The following IFNG-AS1 variants were observed in gnomAD, a reference collection of about 807,000 sequenced individuals.
The protein encoded by IFNG-AS1 is IFNG regulatory antisense RNA 1.
At chr12:68,014,007 C>G (rs1321102538) in intron 3 of IFNG-AS1, among the ~76,000 whole-genome samples, 4 of 152,196 alleles carry the variant, frequency 2.6e-5, no homozygotes, top group Non-Finnish European at 2.9e-5. Flanking sequence ...ACCCTCATAG[C>G]TTAGCTCCCA....
In IFNG-AS1 at chr12:67,992,831, A is replaced by T. The variant is rs184225863; in HGVS notation, n.52-3110A>T. On this transcript the variant is annotated intron_variant and non_coding_transcript_variant, in intron 1 of 5. Transcript: ENST00000536914. The stretch of plus-strand genomic sequence containing the variant: ...TAACAATGAAAGGTAAATTGTTTGC[A>T]AAAGTAGAGATAATATCACTGTGCC... Among the ~76,000 whole-genome samples the T allele has an allele frequency of 2.8e-4, 43 of 152,362 alleles. No homozygotes were observed. In the East Asian group the frequency reaches 5.4e-3, roughly 19 times the overall value.
chr12:68,020,825 T>C (rs935877703), intron 4 of IFNG-AS1: 1 of 152,194 alleles, frequency 6.6e-6, no homozygotes, highest in African/African-American at 2.4e-5. Flanking sequence ...ACTGGTATTA[T>C]GTTAAAGGGA....
intron 1 of IFNG-AS1, among the ~76,000 whole-genome samples, chr12:67,994,519 C>T (rs1879589829): frequency 6.6e-6 from 1 of 152,104 alleles, no homozygotes; most frequent in South Asian, 2.1e-4. Flanking sequence ...CTGCTTTATC[C>T]TAACTTGGTA....
chr12:68,006,312 A>T (rs1879904421), intron 3 of IFNG-AS1, among the ~76,000 whole-genome samples: 1 of 152,264 alleles, frequency 6.6e-6, no homozygotes, highest in South Asian at 2.1e-4. Context: ...GAATTTATTT[A>T]TGCTATCAAC....
At chr12:67,994,702 G>A (rs1879594348) in intron 1 of IFNG-AS1, among the ~76,000 whole-genome samples, 1 of 152,178 alleles carries the variant, frequency 6.6e-6, no homozygotes, top group African/African-American at 2.4e-5. Context: ...GATCTTATCT[G>A]GATGATGAAA....
chr12:67,994,224 C>G (rs1879582151), intron 1 of IFNG-AS1, among the ~76,000 whole-genome samples: 1 of 152,206 alleles, frequency 6.6e-6, no homozygotes, highest in African/African-American at 2.4e-5. Context: ...GCCCCTCCTT[C>G]AGAGAAGAGC....
At chr12:67,991,915 C>A (rs1592817711) in intron 1 of IFNG-AS1, among the ~76,000 whole-genome samples, 1 of 152,176 alleles carries the variant, frequency 6.6e-6, no homozygotes, top group Non-Finnish European at 1.5e-5. Flanking sequence ...TGTCCATATG[C>A]TTGTCATCCA....
chr12:68,018,103 C>T (rs2120483722), intron 3 of IFNG-AS1, among the ~76,000 whole-genome samples: 1 of 152,160 alleles, frequency 6.6e-6, no homozygotes, highest in African/African-American at 2.4e-5. Flanking sequence ...AACCACCACC[C>T]ATCCAAGCCA....
At chr12:67,992,006 A>G (rs1324573327) in intron 1 of IFNG-AS1, among the ~76,000 whole-genome samples, 2 of 152,088 alleles carry the variant, frequency 1.3e-5, no homozygotes, top group Non-Finnish European at 1.5e-5. Context: ...GTTAAAGTTG[A>G]CTCTAATTAT....
chr12:68,003,425 C>CTTTT (rs755483588), intron 2 of IFNG-AS1, among the ~76,000 whole-genome samples: 4,330 of 142,670 alleles, frequency 0.03, 166 homozygotes, highest in African/African-American at 0.079. Flanking sequence ...ATATTCCCCC[C>CTTTT]TTTTTTTTTT....
intron 3 of IFNG-AS1, among the ~76,000 whole-genome samples, chr12:68,015,178 A>G (rs1880120671): frequency 6.6e-6 from 1 of 152,196 alleles, no homozygotes; most frequent in African/African-American, 2.4e-5. Context: ...AAAGCAAGCC[A>G]GATGGACACA....
At chr12:68,000,566 G>A (rs1036554462) in intron 2 of IFNG-AS1, among the ~76,000 whole-genome samples, 5 of 152,088 alleles carry the variant, frequency 3.3e-5, no homozygotes, top group Non-Finnish European at 5.9e-5. Context: ...CCAGATTTGA[G>A]AAGGCTGAGA....
chr12:67,989,824 T>G (rs980577798), intron 1 of IFNG-AS1, among the ~76,000 whole-genome samples: 2 of 152,142 alleles, frequency 1.3e-5, no homozygotes, highest in African/African-American at 4.8e-5. Context: ...CCTCTGAGAC[T>G]TCTTCTATTT....
At chr12:68,018,548 C>T (rs568356451) in intron 3 of IFNG-AS1, among the ~76,000 whole-genome samples, 9 of 152,190 alleles carry the variant, frequency 5.9e-5, no homozygotes, top group African/African-American at 2.2e-4. Flanking sequence ...TGTCTCTCAC[C>T]TCTGCTTTGC....
intron 3 of IFNG-AS1, among the ~76,000 whole-genome samples, chr12:68,015,125 A>T (rs1880118317): frequency 1.3e-5 from 2 of 152,140 alleles, no homozygotes; most frequent in Admixed American, 6.5e-5. Flanking sequence ...AGCTCAAAAC[A>T]CCAATCAAAA....
At chr12:68,003,847 C>T (rs1008528071) in intron 2 of IFNG-AS1, among the ~76,000 whole-genome samples, 8 of 149,820 alleles carry the variant, frequency 5.3e-5, no homozygotes, top group Admixed American at 4.7e-4. Flanking sequence ...GCGGAGCTTG[C>T]AGTGAACCGA....
At chr12:68,021,122 C>T (rs1880278111) in intron 4 of IFNG-AS1, 1 of 152,080 alleles carries the variant, frequency 6.6e-6, no homozygotes, top group East Asian at 1.9e-4. Flanking sequence ...AGTTATTAGT[C>T]TAAGTATTTG....
At chr12:67,994,392 G>A (rs765242980) in intron 1 of IFNG-AS1, among the ~76,000 whole-genome samples, 30 of 152,224 alleles carry the variant, frequency 2.0e-4, no homozygotes, top group Non-Finnish European at 3.8e-4. Flanking sequence ...AGGAAGGACA[G>A]TAGGTGGATG....
chr12:67,996,782 A>G (rs1879651996), intron 2 of IFNG-AS1, among the ~76,000 whole-genome samples: 1 of 152,232 alleles, frequency 6.6e-6, no homozygotes, highest in African/African-American at 2.4e-5. Flanking sequence ...CTATGACCTT[A>G]GGCAAACTTG....
Sources: gnomAD v4.1 joint callset for allele counts (sites outside exome capture counted in the v4.1 genomes callset) on GRCh38, gnomAD v4.1.1 for gene constraint, MANE v1.5 for transcripts, NCBI Gene and HGNC (gene_info 2026-07-23, HGNC 2026-07-21) for gene names.